The following RPS6KC1 variants were observed in gnomAD, a reference collection of about 807,000 sequenced individuals.
RPS6KC1 encodes the protein ribosomal protein S6 kinase C1.
Under a neutral mutation model 103.8 loss-of-function variants are expected in RPS6KC1, and 54 were observed. The observed-to-expected ratio is 0.52, with a 90% confidence interval of 0.42 to 0.65. The LOEUF (loss-of-function observed/expected upper bound fraction) is 0.65, where lower values mean the gene tolerates loss of function less well. Among genes scored for constraint, RPS6KC1 ranks in the 30% least tolerant of loss-of-function variants. The pLI, the probability that RPS6KC1 is intolerant of heterozygous loss-of-function variation, is 0.00. For synonymous variants in RPS6KC1, 439 were observed against 438.7 expected (o/e 1.00, Z -0.01); for missense variants, 1,151 against 1,253.8 (o/e 0.92, Z 1.24).
At chr1:213,386,875 G>A in the RPS6KC1 span, among the ~76,000 whole-genome samples, 5,646 of 152,248 alleles carry the variant, frequency 0.037, 158 homozygotes, top group African/African-American at 0.048. Flanking sequence ...GGTGTCAGAA[G>A]GTGTCCTTGT....
the RPS6KC1 span, among the ~76,000 whole-genome samples, chr1:213,673,654 A>G: frequency 1.3e-5 from 2 of 150,504 alleles, no homozygotes; most frequent in Admixed American, 6.6e-5. Flanking sequence ...ACTTTTTAGT[A>G]CTAAGGGAAA....
downstream of RPS6KC1, among the ~76,000 whole-genome samples, chr1:213,275,022 CTG>C (rs1278882324): frequency 6.6e-6 from 1 of 152,210 alleles, no homozygotes; most frequent in Admixed American, 6.5e-5. Context: ...ATGAATTTGA[CTG>C]TGACTGTTCT....
chr1:213,259,734 A>AT (rs71147063), intron 12 of RPS6KC1, among the ~76,000 whole-genome samples: 65,267 of 98,088 alleles, frequency 0.67, 25,626 homozygotes, highest in Non-Finnish European at 0.83. Flanking sequence ...TGTTTTTTTA[A>AT]TTTTTTTTTT....
At chr1:213,804,173 TAAAAAAAAAAAAA>T in the RPS6KC1 span, among the ~76,000 whole-genome samples, 6 of 57,844 alleles carry the variant, frequency 1.0e-4, no homozygotes, top group Middle Eastern at 0.04. Flanking sequence ...TGGCTAATCT[TAAAAAAAAAAAAA>T]AAAAAAAAAA....
the RPS6KC1 span, among the ~76,000 whole-genome samples, chr1:213,597,885 A>T: frequency 3.2e-4 from 48 of 152,338 alleles, 2 homozygotes; most frequent in South Asian, 9.7e-3. Context: ...CAAATGTGGT[A>T]CCCAGGGTAG....
chr1:213,260,444 C>T (rs536114825), intron 12 of RPS6KC1, among the ~76,000 whole-genome samples: 2 of 152,172 alleles, frequency 1.3e-5, no homozygotes, highest in African/African-American at 2.4e-5. Flanking sequence ...TTTTCTGGTC[C>T]GTATGACTTT....
chr1:213,362,169 G>T, the RPS6KC1 span, among the ~76,000 whole-genome samples: 1 of 152,188 alleles, frequency 6.6e-6, no homozygotes, highest in Non-Finnish European at 1.5e-5. Flanking sequence ...CAGCAGAGAA[G>T]AGGATGGAGT....
chr1:213,630,121 A>G, the RPS6KC1 span, among the ~76,000 whole-genome samples: 2 of 152,110 alleles, frequency 1.3e-5, no homozygotes, highest in African/African-American at 4.8e-5. Flanking sequence ...CTGAATTTGA[A>G]TATTGGTCTG....
At chr1:213,669,796 G>A in the RPS6KC1 span, among the ~76,000 whole-genome samples, 3 of 152,120 alleles carry the variant, frequency 2.0e-5, no homozygotes, top group Admixed American at 6.5e-5. Context: ...GATTCCGACC[G>A]CTGATACATG....
At chr1:213,169,114 C>T (rs2091257088) in intron 7 of RPS6KC1, among the ~76,000 whole-genome samples, 1 of 152,160 alleles carries the variant, frequency 6.6e-6, no homozygotes. Context: ...TCAAGTGCCT[C>T]TCTAGCATGA....
At chr1:213,075,292 C>G (rs1265047967) in intron 2 of RPS6KC1, among the ~76,000 whole-genome samples, 5 of 152,254 alleles carry the variant, frequency 3.3e-5, no homozygotes, top group Non-Finnish European at 5.9e-5. Flanking sequence ...GTACTGCTTA[C>G]ATAAGCCCAT....
the RPS6KC1 span, among the ~76,000 whole-genome samples, chr1:213,696,502 C>CAAAAAAAAAAAAAAAAAAAAAAAAAAA: frequency 1.7e-5 from 2 of 120,934 alleles, no homozygotes; most frequent in African/African-American, 4.5e-5. Flanking sequence ...AACTCCGTCT[C>CAAAAAAAAAAAAAAAAAAAAAAAAAAA]AAAAAAAAAA....
At chr1:213,835,735 A>T in the RPS6KC1 span, 2 of 152,182 alleles carry the variant, frequency 1.3e-5, no homozygotes, top group Non-Finnish European at 2.9e-5. Context: ...CATGAAGTTT[A>T]TAAATGTTTT....
the RPS6KC1 span, among the ~76,000 whole-genome samples, chr1:213,719,294 C>T: frequency 6.6e-6 from 1 of 152,140 alleles, no homozygotes; most frequent in Non-Finnish European, 1.5e-5. Context: ...TATTTGACAT[C>T]ATGTGAGGAA....
the RPS6KC1 span, among the ~76,000 whole-genome samples, chr1:213,442,632 A>G: frequency 6.6e-6 from 1 of 152,348 alleles, no homozygotes; most frequent in South Asian, 2.1e-4. Context: ...ATATGTGTTA[A>G]GTGTACTAAA....
chr1:213,565,959 C>CAAAAAAA, the RPS6KC1 span, among the ~76,000 whole-genome samples: 1 of 64,408 alleles, frequency 1.6e-5, no homozygotes, highest in African/African-American at 5.4e-5. Flanking sequence ...AACTCCATCT[C>CAAAAAAA]AAAAAAAAAA....
At chr1:213,278,460 C>G (rs908867709), downstream of RPS6KC1, among the ~76,000 whole-genome samples, 1 of 152,192 alleles carries the variant, frequency 6.6e-6, no homozygotes, top group African/African-American at 2.4e-5. Context: ...TTGTAGAACA[C>G]TTGAGTCTCT....
the RPS6KC1 span, among the ~76,000 whole-genome samples, chr1:213,419,500 G>A: frequency 6.6e-6 from 1 of 152,296 alleles, no homozygotes; most frequent in South Asian, 2.1e-4. Flanking sequence ...GAACCTGAGA[G>A]GCAGAGAGGT....
the RPS6KC1 span, among the ~76,000 whole-genome samples, chr1:213,702,846 G>GTTTTTT: frequency 0.048 from 6,125 of 128,634 alleles, 296 homozygotes; most frequent in African/African-American, 0.14. Flanking sequence ...GATCATTGAG[G>GTTTTTT]TTTTTTTTGT....
Sources: gnomAD v4.1 joint callset for allele counts (sites outside exome capture counted in the v4.1 genomes callset) on GRCh38, gnomAD v4.1.1 for gene constraint, MANE v1.5 for transcripts, NCBI Gene and HGNC (gene_info 2026-07-23, HGNC 2026-07-21) for gene names.